IMMP2L: variants seen among roughly 807,000 people sequenced by gnomAD.
IMMP2L encodes the protein mitochondrial inner membrane protease subunit 2.
In IMMP2L, 18 loss-of-function variants were observed where a neutral mutation model predicts 19.3. The ratio of observed to expected loss-of-function variants is 0.93; its 90% CI spans 0.64 to 1.38. The LOEUF is 1.38. Ranked by LOEUF, IMMP2L falls within the 40% of genes most tolerant of loss-of-function variation. The pLI, the probability that IMMP2L is intolerant of heterozygous loss-of-function variation, is 0.00. For synonymous variants in IMMP2L, 76 were observed against 73.0 expected (o/e 1.04, Z -0.21); for missense variants, 233 against 218.2 (o/e 1.07, Z -0.43).
At position 111,157,437 on chromosome 7, in the gene IMMP2L, T is replaced by C. The variant is rs555804969; in HGVS notation, c.240-193872A>G. On this transcript the variant is annotated intron_variant, in intron 3 of 5. Coordinates refer to ENST00000405709, the MANE Select transcript of IMMP2L (RefSeq NM_032549.4). ...TTGTCATTTGCAACCACATGGATGGTTCTGGAGGTCATTATGTTAAGTGAA... is the reference window on the plus strand; with the variant it reads ...TTGTCATTTGCAACCACATGGATGGCTCTGGAGGTCATTATGTTAAGTGAA... Among the ~76,000 whole-genome samples, 4 of 152,192 alleles carry C rather than the reference T, an allele frequency of 2.6e-5. No homozygotes were observed. The South Asian group carries it at 8.3e-4, about 32-fold the overall frequency.
chr7:111,263,928 G>T (rs1230593178), intron 3 of IMMP2L, among the ~76,000 whole-genome samples: 1 of 152,112 alleles, frequency 6.6e-6, no homozygotes, highest in Non-Finnish European at 1.5e-5. Flanking sequence ...CAACATGCAG[G>T]TTGCTGGTGA....
chr7:110,963,353 A>G, intron 4 of IMMP2L, 147 bp downstream of exon 4: 1 of 615,380 alleles, frequency 1.6e-6, no homozygotes, highest in Non-Finnish European at 2.8e-6. Flanking sequence ...TGAAAGGTTA[A>G]TGATGCTCAC....
chr7:110,692,726 T>A (rs1215122315), intron 5 of IMMP2L, among the ~76,000 whole-genome samples: 1 of 152,188 alleles, frequency 6.6e-6, no homozygotes, highest in Admixed American at 6.6e-5. Flanking sequence ...GGAATTACTA[T>A]TCAGAGCAGT....
At chr7:110,985,574 A>G (rs1393820868) in intron 3 of IMMP2L, among the ~76,000 whole-genome samples, 1 of 152,172 alleles carries the variant, frequency 6.6e-6, no homozygotes, top group African/African-American at 2.4e-5. Context: ...CAATATAAAT[A>G]AAGTATGTTA....
At chr7:110,719,741 T>C (rs762190958) in intron 5 of IMMP2L, among the ~76,000 whole-genome samples, 3 of 152,142 alleles carry the variant, frequency 2.0e-5, no homozygotes, top group African/African-American at 4.8e-5. Flanking sequence ...TCGCAGAAAA[T>C]AAACAGCTTT....
intron 3 of IMMP2L, among the ~76,000 whole-genome samples, chr7:111,401,862 A>T (rs1266484237): frequency 6.6e-6 from 1 of 152,058 alleles, no homozygotes; most frequent in Non-Finnish European, 1.5e-5. Flanking sequence ...AACATTCCAA[A>T]CACAGTGGTA....
chr7:111,067,116 T>C (rs1217170667), intron 3 of IMMP2L, among the ~76,000 whole-genome samples: 2 of 152,196 alleles, frequency 1.3e-5, no homozygotes, highest in African/African-American at 2.4e-5. Flanking sequence ...CTTCTTTCAC[T>C]GGCTGATTTT....
At chr7:111,505,939 G>A (rs937125374) in intron 2 of IMMP2L, among the ~76,000 whole-genome samples, 2 of 151,982 alleles carry the variant, frequency 1.3e-5, no homozygotes, top group Non-Finnish European at 2.9e-5. Context: ...CCTGCACATT[G>A]TGCACATGTA....
rs76969655 is a variant in IMMP2L at position 110,762,475 on chromosome 7, T to C, written c.409-98754A>G. On this transcript the variant is annotated intron_variant, in intron 5 of 5. Transcript: ENST00000405709. ...CGAACATGTTCATTTGAAGAGCTTA[T>C]CACATTGCCTGAACATCAACTCCCG... 2.4e-3 allele frequency among the ~76,000 whole-genome samples: 369 copies of C among 152,238 alleles called. 1 individual carries two copies. Among genetic ancestry groups the C allele is most frequent in the African/African-American group, 8.3e-3 (344 of 41,578 alleles).
chr7:111,064,942 G>A (rs1441961678), intron 3 of IMMP2L, among the ~76,000 whole-genome samples: 3 of 152,158 alleles, frequency 2.0e-5, no homozygotes, highest in Admixed American at 1.3e-4. Flanking sequence ...GGCCAATCCA[G>A]GCCGGACTAC....
chr7:111,213,462 C>T lies in IMMP2L; in HGVS notation c.240-249897G>A, dbSNP rs1368288859. Among the ~76,000 whole-genome samples the T allele has an allele frequency of 6.6e-6, 1 of 152,108 alleles. No individual in the cohort carries two copies. Among genetic ancestry groups the T allele is most frequent in the African/African-American group, 2.4e-5 (1 of 41,418 alleles). Reference sequence around the variant, plus strand: ...TGAGTGGAAGGGGGTGGGTCCCTAGCAAGGCCCCACCTTCAAGCTGGGGAG... The same window carrying T: ...TGAGTGGAAGGGGGTGGGTCCCTAGTAAGGCCCCACCTTCAAGCTGGGGAG... On this transcript the variant is annotated intron_variant, in intron 3 of 5. Transcript: ENST00000405709. The surrounding 1 kb of genome is among the most constrained non-coding windows in gnomAD (Gnocchi z 4.8).
chr7:110,718,310 A>G (rs1795355796), intron 5 of IMMP2L, among the ~76,000 whole-genome samples: 1 of 152,234 alleles, frequency 6.6e-6, no homozygotes, highest in Admixed American at 6.5e-5. Context: ...AAGGGTTAGA[A>G]GTGAAGTAGG....
At chr7:111,048,626 A>C (rs1403400046) in intron 3 of IMMP2L, among the ~76,000 whole-genome samples, 1 of 152,212 alleles carries the variant, frequency 6.6e-6, no homozygotes, top group East Asian at 1.9e-4. Flanking sequence ...TTGTTGAATA[A>C]GTCAACAAGC....
intron 3 of IMMP2L, among the ~76,000 whole-genome samples, chr7:111,252,436 GA>G (rs1159893101): frequency 2.0e-5 from 3 of 152,080 alleles, no homozygotes; most frequent in African/African-American, 7.2e-5. Flanking sequence ...TATTATGGCA[GA>G]TAAACAAGTA....
chr7:110,812,538 A>C (rs1802118713), intron 5 of IMMP2L, among the ~76,000 whole-genome samples: 1 of 152,060 alleles, frequency 6.6e-6, no homozygotes, highest in Non-Finnish European at 1.5e-5. Context: ...TGGCATCAGA[A>C]GGCTTTATTT....
intron 3 of IMMP2L, among the ~76,000 whole-genome samples, chr7:111,060,558 T>C (rs1487462259): frequency 3.3e-5 from 5 of 152,236 alleles, no homozygotes; most frequent in African/African-American, 1.2e-4. Context: ...GGTTGAGTTC[T>C]GGCTCCAGGA....
chr7:110,785,831 C>A (rs1432779571), intron 5 of IMMP2L, among the ~76,000 whole-genome samples: 1 of 151,908 alleles, frequency 6.6e-6, no homozygotes, highest in Admixed American at 6.6e-5. Context: ...AAACTATGAT[C>A]TATAACACTA....
At chr7:111,473,232 G>A (rs1430362691) in intron 3 of IMMP2L, among the ~76,000 whole-genome samples, 2 of 152,100 alleles carry the variant, frequency 1.3e-5, no homozygotes, top group Admixed American at 1.3e-4. Context: ...TTCCAAAGAG[G>A]AGCTTTCCAT....
At chr7:110,700,149 T>C (rs1203163565) in intron 5 of IMMP2L, among the ~76,000 whole-genome samples, 1 of 152,112 alleles carries the variant, frequency 6.6e-6, no homozygotes, top group African/African-American at 2.4e-5. Context: ...CCCACAGAAT[T>C]GTGAGATAGT....
Sources: allele counts gnomAD v4.1 joint callset (sites outside exome capture counted in the v4.1 genomes callset), GRCh38; gene constraint gnomAD v4.1.1; non-coding constraint Gnocchi (gnomAD v3.1); transcripts MANE v1.5; gene names NCBI Gene and HGNC (gene_info 2026-07-23, HGNC 2026-07-21).